Variants in ZNF226 observed in about 807,000 individuals in gnomAD.
ZNF226 encodes the protein Kruppel-associated box protein.
ZNF226 carries 6 observed loss-of-function variants against 11.4 expected under a neutral mutation model. The observed-to-expected ratio is 0.53, with a 90% CI of 0.29 to 1.04. ZNF226 has a LOEUF of 1.04. ZNF226 is among the 50% of genes least tolerant of loss of function. The probability of loss-of-function intolerance (pLI) is 0.08; values close to 1 mark genes in which losing one functional copy is unlikely to be tolerated. For synonymous variants in ZNF226, 350 were observed against 322.8 expected, an observed-to-expected ratio of 1.08 and a Z score of -0.90; for missense variants, 1,058 against 956.5, an observed-to-expected ratio of 1.11 and a Z score of -1.40.
intron 3 of ZNF226, among the ~76,000 whole-genome samples, chr19:44,171,763 A>G (rs1371715030): frequency 6.6e-6 from 1 of 152,200 alleles, no homozygotes. Context: ...CCACCTCAGT[A>G]GGAAGGCAGG....
chr19:44,190,069 A>G, the ZNF226 span, among the ~76,000 whole-genome samples: 1 of 152,228 alleles, frequency 6.6e-6, no homozygotes, highest in Non-Finnish European at 1.5e-5. Flanking sequence ...AAGACAATGC[A>G]CAGAACTACA....
chr19:44,182,473 A>T (rs997919669), downstream of ZNF226, among the ~76,000 whole-genome samples: 1 of 152,252 alleles, frequency 6.6e-6, no homozygotes, highest in African/African-American at 2.4e-5. Context: ...AACCAGTGTT[A>T]TAGAACATAT....
intron 5 of ZNF226, chr19:44,174,350 T>C (rs1970468125): frequency 6.6e-6 from 1 of 152,184 alleles, no homozygotes; most frequent in Admixed American, 6.5e-5. Context: ...TCTTAGGTAT[T>C]CCCCCATAGA....
downstream of ZNF226, chr19:44,177,690 C>G (rs199739965): frequency 1.7e-4 from 259 of 1,550,166 alleles, no homozygotes; most frequent in Non-Finnish European, 2.2e-4. Flanking sequence ...TGTGAAGACT[C>G]GTGTCATTTG....
intron 3 of ZNF226, among the ~76,000 whole-genome samples, chr19:44,171,789 T>C (rs1235821106): frequency 2.0e-5 from 3 of 152,212 alleles, no homozygotes; most frequent in Admixed American, 1.3e-4. Context: ...TCAAACACTA[T>C]TGGGACTCAA....
At chr19:44,175,430 C>T (rs1400983654) in intron 5 of ZNF226, 68 bp from the exon 6 acceptor site, 12 of 1,511,570 alleles carry the variant, frequency 7.9e-6, no homozygotes, top group Non-Finnish European at 8.8e-6. Flanking sequence ...TTACTCTGTC[C>T]TCAGTGTGAA....
the ZNF226 span, among the ~76,000 whole-genome samples, chr19:44,185,884 A>G: frequency 6.6e-6 from 1 of 152,124 alleles, no homozygotes; most frequent in Non-Finnish European, 1.5e-5. Flanking sequence ...GGATTTTAAC[A>G]GTTTTAGGTC....
At chr19:44,173,363 C>G (rs1240695530) in intron 5 of ZNF226, 4 of 264,768 alleles carry the variant, frequency 1.5e-5, no homozygotes, top group African/African-American at 8.8e-5. Context: ...ATGCTTCTGC[C>G]TCACAACCCT....
the ZNF226 span, among the ~76,000 whole-genome samples, chr19:44,194,738 A>G: frequency 1.8e-4 from 27 of 152,344 alleles, no homozygotes; most frequent in African/African-American, 6.0e-4. Flanking sequence ...TCTTTCATAC[A>G]TTTTGGTAGA....
At position 44,172,200 on chromosome 19, in the gene ZNF226, A is replaced by G; in HGVS notation, c.128A>G (p.Asn43Ser). The change falls in exon 4 of 6, where the codon AAC becomes AGC. Residue 43 changes from asparagine (N) to serine (S), a missense_variant. Asn to Ser is a conservative substitution (Grantham distance 46). Transcript: ENST00000337433. Reference sequence around the variant, plus strand: ...GATGTGATGGTGGAGAACTTTAGGAACCTGCTGTCAGTGGGTGAGGACAGC... The same window carrying G: ...GATGTGATGGTGGAGAACTTTAGGAGCCTGCTGTCAGTGGGTGAGGACAGC... ...YRDVMVENFR[N>S]LLSVGHPPFK... 1 of 1,611,614 alleles carries G rather than the reference A, an allele frequency of 6.2e-7. No individual in the cohort carries two copies. The highest frequency in any genetic ancestry group is 1.1e-5 in the South Asian group (1 of 91,058).
chr19:44,197,777 A>G, the ZNF226 span, among the ~76,000 whole-genome samples: 370 of 152,284 alleles, frequency 2.4e-3, 3 homozygotes, highest in Admixed American at 0.018. Flanking sequence ...GCCTTTTGAC[A>G]TATGTGTGTA....
At chr19:44,178,770 A>C (rs1970859548), downstream of ZNF226, among the ~76,000 whole-genome samples, 1 of 152,214 alleles carries the variant, frequency 6.6e-6, no homozygotes, top group Non-Finnish European at 1.5e-5. Flanking sequence ...TGTAAGTAGC[A>C]CATCAGTGTT....
chr19:44,170,843 G>A (rs1970011408), intron 3 of ZNF226, among the ~76,000 whole-genome samples: 3 of 151,632 alleles, frequency 2.0e-5, no homozygotes, highest in South Asian at 2.1e-4. Context: ...AATTTGGAAG[G>A]CAGAGGTTGC....
chr19:44,168,814 A>G (rs368689608), intron 2 of ZNF226, among the ~76,000 whole-genome samples: 1 of 152,188 alleles, frequency 6.6e-6, no homozygotes, highest in East Asian at 1.9e-4. Flanking sequence ...CTTTGAGACT[A>G]TGTAGCCATC....
downstream of ZNF226, chr19:44,178,383 C>CA (rs1291709980): frequency 6.6e-6 from 1 of 152,176 alleles, no homozygotes; most frequent in Non-Finnish European, 1.5e-5. Flanking sequence ...GTTTAAGTGT[C>CA]AGAGTTGCTA....
At chr19:44,194,425 A>G in the ZNF226 span, among the ~76,000 whole-genome samples, 1 of 151,966 alleles carries the variant, frequency 6.6e-6, no homozygotes, top group Non-Finnish European at 1.5e-5. Context: ...ACACGCGTGC[A>G]TCACCACATC....
At chr19:44,181,268 G>C (rs557319513), downstream of ZNF226, among the ~76,000 whole-genome samples, 1 of 152,226 alleles carries the variant, frequency 6.6e-6, no homozygotes, top group African/African-American at 2.4e-5. Context: ...TGTGGTTCCA[G>C]GTACTCAGGA....
chr19:44,180,502 T>C (rs534444963), downstream of ZNF226, among the ~76,000 whole-genome samples: 5 of 152,280 alleles, frequency 3.3e-5, no homozygotes, highest in South Asian at 2.1e-4. Flanking sequence ...CTCTTAGATA[T>C]CAGGATAGCC....
downstream of ZNF226, among the ~76,000 whole-genome samples, chr19:44,181,563 C>T (rs116280610): frequency 1.9e-3 from 285 of 152,180 alleles, 1 homozygote; most frequent in African/African-American, 6.1e-3. Flanking sequence ...CCAAAATCAG[C>T]GGCTGAATGA....
Sources: allele counts gnomAD v4.1 joint callset (sites outside exome capture counted in the v4.1 genomes callset), GRCh38; gene constraint gnomAD v4.1.1; transcripts MANE v1.5; gene names NCBI Gene and HGNC (gene_info 2026-07-23, HGNC 2026-07-21).